The following SYT9 variants were observed in gnomAD, a reference collection of about 807,000 sequenced individuals.
The protein encoded by SYT9 is synaptotagmin-9.
A neutral mutation model predicts 48.4 loss-of-function variants in SYT9; 22 were observed. The observed-to-expected ratio is 0.45, with a 90% confidence interval of 0.32 to 0.65. The LOEUF is 0.65. Ranked by LOEUF, SYT9 falls within the 30% of genes least tolerant of loss-of-function variation. The pLI is 0.03. For missense variants in SYT9, 577 were observed against 622.0 expected, an observed-to-expected ratio of 0.93 and a Z score of 0.77; for synonymous variants, 265 against 245.0, an observed-to-expected ratio of 1.08 and a Z score of -0.76.
chr11:7,432,574 AAAAAAAAAATATATATACATATAT>A (rs1847612527), intron 6 of SYT9, among the ~76,000 whole-genome samples: 14 of 12,626 alleles, frequency 1.1e-3, no homozygotes, highest in African/African-American at 3.5e-3. Flanking sequence ...AAAAAAAAAA[AAAAAAAAAATATATATACATATAT>A]ATATATATAT....
intron 1 of SYT9, among the ~76,000 whole-genome samples, chr11:7,256,948 G>A (rs1847982925): frequency 6.6e-6 from 1 of 152,098 alleles, no homozygotes; most frequent in South Asian, 2.1e-4. Flanking sequence ...AACTTTGGCT[G>A]CACATTAGGA....
intron 1 of SYT9, among the ~76,000 whole-genome samples, chr11:7,253,208 G>C (rs1340120970): frequency 2.0e-5 from 3 of 152,194 alleles, no homozygotes; most frequent in Admixed American, 6.5e-5. Context: ...TCCAATGTTT[G>C]CTTGAGATGT....
chr11:7,394,692 G>T (rs1846710805), intron 3 of SYT9, among the ~76,000 whole-genome samples: 1 of 152,078 alleles, frequency 6.6e-6, no homozygotes, highest in Non-Finnish European at 1.5e-5. Flanking sequence ...GTTCTGCTAT[G>T]ATTTTAGCCA....
chr11:7,399,328 T>G (rs1055915616), intron 3 of SYT9, among the ~76,000 whole-genome samples: 22 of 152,080 alleles, frequency 1.4e-4, no homozygotes, highest in African/African-American at 5.3e-4. Context: ...TGAACCAAAC[T>G]AAAAATGGAG....
chr11:7,241,031 T>G (rs1847734361), intron 1 of SYT9, among the ~76,000 whole-genome samples: 2 of 152,184 alleles, frequency 1.3e-5, no homozygotes, highest in Non-Finnish European at 2.9e-5. Context: ...AAAGAAATAG[T>G]CTTCTATGGG....
chr11:7,461,676 C>T (rs1467114554), intron 6 of SYT9, among the ~76,000 whole-genome samples: 2 of 152,172 alleles, frequency 1.3e-5, no homozygotes, highest in Non-Finnish European at 2.9e-5. Context: ...CTGAGCATAA[C>T]TTTGTTTTCT....
intron 3 of SYT9, among the ~76,000 whole-genome samples, chr11:7,334,656 A>G (rs1432570553): frequency 6.7e-6 from 1 of 148,768 alleles, no homozygotes; most frequent in Non-Finnish European, 1.5e-5. Context: ...CATCCCCCCA[A>G]TCCCCAGGCA....
chr11:7,335,327 A>G (rs1355460445), intron 3 of SYT9, among the ~76,000 whole-genome samples: 3 of 152,142 alleles, frequency 2.0e-5, no homozygotes, highest in African/African-American at 7.2e-5. Context: ...TTTAACTTTC[A>G]TTTTAGGTTT....
At chr11:7,254,246 G>A (rs1847924471) in intron 1 of SYT9, among the ~76,000 whole-genome samples, 3 of 152,206 alleles carry the variant, frequency 2.0e-5, no homozygotes. Flanking sequence ...TAGGACACAA[G>A]GGTTTTGAAG....
intron 3 of SYT9, among the ~76,000 whole-genome samples, chr11:7,395,755 T>C (rs1356827785): frequency 1.3e-5 from 2 of 151,000 alleles, no homozygotes; most frequent in East Asian, 3.9e-4. Flanking sequence ...ATGGGTCTCT[T>C]GAAGACAGCA....
intron 3 of SYT9, among the ~76,000 whole-genome samples, chr11:7,332,410 G>C (rs1184883432): frequency 6.6e-6 from 1 of 152,220 alleles, no homozygotes; most frequent in African/African-American, 2.4e-5. Context: ...GCTCATAGCC[G>C]CTAAGGAATG....
intron 3 of SYT9, among the ~76,000 whole-genome samples, chr11:7,402,167 T>A (rs924084377): frequency 1.3e-5 from 2 of 152,076 alleles, no homozygotes; most frequent in African/African-American, 4.8e-5. Context: ...GAGTAAATTT[T>A]AATTTCATTT....
intron 6 of SYT9, among the ~76,000 whole-genome samples, chr11:7,460,148 T>G (rs1407150487): frequency 6.6e-6 from 1 of 152,224 alleles, no homozygotes; most frequent in African/African-American, 2.4e-5. Context: ...CTTATAATAG[T>G]ACATACCAAA....
At position 7,252,435 on chromosome 11, in the gene SYT9, CG is replaced by C. The variant is rs1304072850; in HGVS notation, c.145+110del. Reference sequence around the variant, plus strand: ...AACAGCGACGCGGACTGGGAGAGGGCGGGGGGCGGCCACCGAGCCAGGAGAG... The same window carrying C: ...AACAGCGACGCGGACTGGGAGAGGGCGGGGGCGGCCACCGAGCCAGGAGAG... On this transcript the variant is annotated intron_variant, in intron 1 of 6. Transcript: ENST00000318881. This position sits in a 1 kb window ranked among gnomAD's most constrained non-coding sequence, Gnocchi z 6.3. The C allele has an allele frequency of 6.4e-6, 8 of 1,241,568 alleles. No homozygotes were observed. The highest frequency in any genetic ancestry group is 8.3e-6 in the Non-Finnish European group (8 of 967,174). 76.9% of individuals were successfully genotyped at this position (1,241,568 alleles called of 1,614,324 possible).
At chr11:7,412,534 A>T (rs1408686044) in intron 3 of SYT9, among the ~76,000 whole-genome samples, 1 of 152,148 alleles carries the variant, frequency 6.6e-6, no homozygotes, top group Non-Finnish European at 1.5e-5. Flanking sequence ...TCTGGGAACT[A>T]GGTTATTAGG....
At chr11:7,433,686 T>A (rs1365113953) in intron 6 of SYT9, among the ~76,000 whole-genome samples, 1 of 152,166 alleles carries the variant, frequency 6.6e-6, no homozygotes, top group Non-Finnish European at 1.5e-5. Context: ...CAAGGAAACT[T>A]GTTTGCCCCT....
chr11:7,256,731 G>A (rs1847978200), intron 1 of SYT9, among the ~76,000 whole-genome samples: 1 of 152,070 alleles, frequency 6.6e-6, no homozygotes, highest in Admixed American at 6.6e-5. Context: ...TATGAATTCT[G>A]TTATCCAGGA....
rs12574916 is a variant in SYT9 at position 7,332,091 on chromosome 11, C to A, written c.1044+18150C>A. Among the ~76,000 whole-genome samples the A allele has an allele frequency of 3.8e-3, 579 of 152,272 alleles. 18 individuals are homozygous for A. In the East Asian group the frequency reaches 0.075, roughly 20 times the overall value. On this transcript the variant is annotated intron_variant, in intron 3 of 6. Transcript: ENST00000318881. ...CTCGTGCAAGTGACTTAGTGAAGGA[C>A]TGCCCTCAAGTGAAACCCATAAAGA...
chr11:7,418,185 G>T, intron 5 of SYT9, 57 bp downstream of exon 5: 6 of 1,572,024 alleles, frequency 3.8e-6, no homozygotes, highest in Non-Finnish European at 5.2e-6. Context: ...GACTGGGAAG[G>T]CAGAGGGGGA....
Sources: allele counts gnomAD v4.1 joint callset (sites outside exome capture counted in the v4.1 genomes callset), GRCh38; gene constraint gnomAD v4.1.1; non-coding constraint Gnocchi (gnomAD v3.1); transcripts MANE v1.5; gene names NCBI Gene and HGNC (gene_info 2026-07-23, HGNC 2026-07-21).